DGCR2: variants seen among roughly 807,000 people sequenced by gnomAD.
DGCR2 encodes DiGeorge syndrome critical region gene 2.
In DGCR2, 24 loss-of-function variants were observed where a neutral mutation model predicts 51.6. The observed-to-expected ratio is 0.47, with a 90% CI of 0.34 to 0.65. The LOEUF (loss-of-function observed/expected upper bound fraction) is 0.65, where lower values mean the gene tolerates loss of function less well. Ranked by LOEUF, DGCR2 falls within the 30% of genes least tolerant of loss-of-function variation. DGCR2 has a pLI of 0.01. For synonymous variants in DGCR2, 340 were observed against 315.4 expected, an observed-to-expected ratio of 1.08 and a Z score of -0.82; for missense variants, 765 against 772.1, an observed-to-expected ratio of 0.99 and a Z score of 0.11.
At chr22:19,062,925 G>T (rs1016082644) in intron 5 of DGCR2, among the ~76,000 whole-genome samples, 1 of 151,988 alleles carries the variant, frequency 6.6e-6, no homozygotes, top group African/African-American at 2.4e-5. Flanking sequence ...TATACTCCAA[G>T]GTCTTTAACT....
chr22:19,062,779 A>ATTCTCTCATTCTCTCTCTCTCT, intron 5 of DGCR2, among the ~76,000 whole-genome samples: 1 of 127,354 alleles, frequency 7.9e-6, no homozygotes, highest in Non-Finnish European at 1.8e-5. Context: ...ATGCATGCTC[A>ATTCTCTCATTCTCTCTCTCTCT]CTCTCTCTCT....
intron 2 of DGCR2, among the ~76,000 whole-genome samples, chr22:19,084,216 G>A (rs1165187192): frequency 1.3e-4 from 20 of 151,570 alleles, no homozygotes; most frequent in African/African-American, 3.6e-4. Flanking sequence ...CTGACCGGCC[G>A]CCCAGTCTGG....
intron 1 of DGCR2, among the ~76,000 whole-genome samples, chr22:19,120,063 G>A (rs1216544156): frequency 6.6e-6 from 1 of 152,178 alleles, no homozygotes; most frequent in African/African-American, 2.4e-5. Context: ...GACACATGGT[G>A]AATGTGTGAA....
At chr22:19,041,344 A>G (rs764929041) in intron 8 of DGCR2, 50 bp from the exon 9 acceptor site, 21 of 1,577,596 alleles carry the variant, frequency 1.3e-5, no homozygotes, top group South Asian at 2.2e-5. Flanking sequence ...CACTGGGGGC[A>G]GGCTGCCTGG....
chr22:19,052,613 A>G (rs2082561314), intron 6 of DGCR2, among the ~76,000 whole-genome samples: 1 of 151,352 alleles, frequency 6.6e-6, no homozygotes, highest in African/African-American at 2.4e-5. Flanking sequence ...CCTCTACAAA[A>G]AAAAAAAAAA....
intron 2 of DGCR2, among the ~76,000 whole-genome samples, chr22:19,077,138 G>A (rs1229839006): frequency 6.6e-6 from 1 of 152,052 alleles, no homozygotes; most frequent in African/African-American, 2.4e-5. Context: ...CATTCTGTAG[G>A]CTGCCTTTTC....
intron 4 of DGCR2, among the ~76,000 whole-genome samples, chr22:19,063,513 A>AT (rs35934680): frequency 0.22 from 28,795 of 132,942 alleles, 2,969 homozygotes; most frequent in South Asian, 0.29. Context: ...TAATTTTTGT[A>AT]TTTTTTTTTT....
chr22:19,112,545 G>A (rs934752612), intron 1 of DGCR2, among the ~76,000 whole-genome samples: 1 of 142,966 alleles, frequency 7.0e-6, no homozygotes, highest in African/African-American at 2.6e-5. Context: ...GGGCTCAAAC[G>A]ATCCTCCCAC....
At chr22:19,071,212 T>C (rs1466618157) in intron 2 of DGCR2, among the ~76,000 whole-genome samples, 1 of 152,170 alleles carries the variant, frequency 6.6e-6, no homozygotes, top group Non-Finnish European at 1.5e-5. Flanking sequence ...GGAGCACATG[T>C]GCCCCTCCTG....
chr22:19,103,569 T>C (rs991891381), intron 1 of DGCR2, among the ~76,000 whole-genome samples: 1 of 149,970 alleles, frequency 6.7e-6, no homozygotes, highest in Non-Finnish European at 1.5e-5. Context: ...TAGCTGAGAT[T>C]AGGCGCGCAC....
intron 1 of DGCR2, among the ~76,000 whole-genome samples, chr22:19,113,632 C>G (rs951127526): frequency 1.3e-5 from 2 of 152,154 alleles, no homozygotes; most frequent in Admixed American, 1.3e-4. Context: ...AAAGGAATTT[C>G]AAGTTGATGG....
intron 1 of DGCR2, among the ~76,000 whole-genome samples, chr22:19,114,062 G>GAAAAAA (rs55948025): frequency 2.5e-4 from 20 of 80,926 alleles, no homozygotes; most frequent in East Asian, 3.7e-4. Flanking sequence ...TCCATTTGAG[G>GAAAAAA]AAAAAAAAAA....
intron 2 of DGCR2, among the ~76,000 whole-genome samples, chr22:19,076,506 T>A (rs1213152988): frequency 6.6e-6 from 1 of 152,048 alleles, no homozygotes; most frequent in Non-Finnish European, 1.5e-5. Context: ...TCATACTGTT[T>A]TAGTAGCTGC....
chr22:19,063,073 G>A, intron 5 of DGCR2, 129 bp downstream of exon 5: 1 of 741,772 alleles, frequency 1.3e-6, no homozygotes, highest in Non-Finnish European at 2.2e-6. Flanking sequence ...CCCTGCAACT[G>A]GGGCTCACCC....
intron 4 of DGCR2, 94 bp from the exon 5 acceptor site, chr22:19,063,372 C>A: frequency 8.7e-7 from 1 of 1,152,546 alleles, no homozygotes; most frequent in Non-Finnish European, 1.3e-6. Flanking sequence ...GACAGAGTCT[C>A]GCTCTGTCAC....
Position 19,041,244 on chromosome 22 carries a change from C to G in DGCR2, c.1210G>C (p.Asp404His). The G allele has an allele frequency of 6.2e-7, 1 of 1,614,138 alleles. No homozygotes were observed. Among genetic ancestry groups the G allele is most frequent in the Non-Finnish European group, 8.5e-7 (1 of 1,180,006 alleles). Reference protein sequence around the residue: ...RRIPGFDYGPDGFGTGLTPLH... With the variant: ...RRIPGFDYGPHGFGTGLTPLH... Reference sequence around the variant, plus strand: ...GGCGTGAGGCCCGTGCCAAACCCGTCTGGGCCGTAATCAAAGCCAGGGATC... The same window carrying G: ...GGCGTGAGGCCCGTGCCAAACCCGTGTGGGCCGTAATCAAAGCCAGGGATC... The change falls in exon 9 of 10, where the codon GAC becomes CAC. Residue 404 changes from aspartate (D) to histidine (H), a missense_variant. Physicochemically the swap from Asp to His is moderately conservative, Grantham distance 81 (BLOSUM62 -1). Transcript: ENST00000263196.
intron 7 of DGCR2, among the ~76,000 whole-genome samples, chr22:19,043,804 C>T (rs1045122739): frequency 6.6e-6 from 1 of 152,222 alleles, no homozygotes; most frequent in Non-Finnish European, 1.5e-5. Context: ...CACTCCATGC[C>T]CACACAGATG....
chr22:19,110,330 G>T (rs1411395764), intron 1 of DGCR2, among the ~76,000 whole-genome samples: 2 of 152,214 alleles, frequency 1.3e-5, no homozygotes, highest in African/African-American at 4.8e-5. Flanking sequence ...AGGCTGCGGG[G>T]AAGTGTCAGC....
intron 2 of DGCR2, among the ~76,000 whole-genome samples, chr22:19,086,073 CAAGATT>C (rs2083011614): frequency 6.6e-6 from 1 of 152,034 alleles, no homozygotes; most frequent in Non-Finnish European, 1.5e-5. Context: ...AAAAAAATCA[CAAGATT>C]TAGCAGTCAT....
Sources: allele counts gnomAD v4.1 joint callset (sites outside exome capture counted in the v4.1 genomes callset), GRCh38; gene constraint gnomAD v4.1.1; transcripts MANE v1.5; gene names NCBI Gene and HGNC (gene_info 2026-07-23, HGNC 2026-07-21).